The following SORBS2 variants were observed in gnomAD, a reference collection of about 807,000 sequenced individuals.
SORBS2 encodes sorbin and SH3 domain containing 2, also known as sorbin and SH3 domain-containing protein 2.
SORBS2 carries 46 observed loss-of-function variants against 97.7 expected under a neutral mutation model. That is an observed-to-expected ratio of 0.47 (90% CI 0.37 to 0.60). The LOEUF is 0.60. Among genes scored for constraint, SORBS2 ranks in the 20% least tolerant of loss-of-function variants. The pLI is 0.00. For missense variants in SORBS2, 1,316 were observed against 1,282.3 expected, an observed-to-expected ratio of 1.03 and a Z score of -0.40; for synonymous variants, 476 against 473.4, an observed-to-expected ratio of 1.01 and a Z score of -0.07.
intron 12 of SORBS2, among the ~76,000 whole-genome samples, chr4:185,604,564 C>T (rs2096361032): frequency 6.6e-6 from 1 of 152,144 alleles, no homozygotes; most frequent in South Asian, 2.1e-4. Flanking sequence ...GGTGATTATG[C>T]TTGTCTCAGA....
intron 2 of SORBS2, among the ~76,000 whole-genome samples, chr4:185,692,290 C>T (rs1029248774): frequency 3.9e-5 from 6 of 152,142 alleles, no homozygotes; most frequent in South Asian, 4.1e-4. Flanking sequence ...AGCTTCCAGG[C>T]GCATCAGTAC....
chr4:185,831,150 G>A (rs2099204909), intron 1 of SORBS2, among the ~76,000 whole-genome samples: 1 of 152,120 alleles, frequency 6.6e-6, no homozygotes, highest in African/African-American at 2.4e-5. Flanking sequence ...GACCCAACAT[G>A]GTCATCTAGA....
chr4:185,937,282 T>C (rs887024150), intron 1 of SORBS2, among the ~76,000 whole-genome samples: 2 of 152,228 alleles, frequency 1.3e-5, no homozygotes, highest in Non-Finnish European at 2.9e-5. Context: ...AAGTTCTGCA[T>C]TGTACTAGCA....
chr4:185,700,769 C>A (rs1223943192), intron 2 of SORBS2, among the ~76,000 whole-genome samples: 1 of 152,108 alleles, frequency 6.6e-6, no homozygotes, highest in African/African-American at 2.4e-5. Context: ...GTGTCTATTG[C>A]CCTTTTGTTC....
At chr4:185,728,116 G>A (rs1341732987) in intron 2 of SORBS2, among the ~76,000 whole-genome samples, 1 of 151,988 alleles carries the variant, frequency 6.6e-6, no homozygotes, top group Non-Finnish European at 1.5e-5. Flanking sequence ...GAGTCTGCGG[G>A]TCTATCCAGC....
chr4:185,743,698 T>C (rs1280758976), intron 2 of SORBS2, among the ~76,000 whole-genome samples: 1 of 152,168 alleles, frequency 6.6e-6, no homozygotes, highest in African/African-American at 2.4e-5. Context: ...ACTAAGACTC[T>C]GATGGTGAGC....
chr4:185,686,499 G>A (rs1314420692), intron 2 of SORBS2, among the ~76,000 whole-genome samples: 1 of 152,134 alleles, frequency 6.6e-6, no homozygotes, highest in Admixed American at 6.5e-5. Flanking sequence ...GACACAAATG[G>A]GAGAAACAAC....
intron 1 of SORBS2, among the ~76,000 whole-genome samples, chr4:185,955,074 T>C (rs1283506900): frequency 6.6e-6 from 1 of 152,250 alleles, no homozygotes; most frequent in Non-Finnish European, 1.5e-5. Context: ...GCATGACTTA[T>C]AAGAGCTTCC....
chr4:185,690,105 G>A (rs1439417689), intron 2 of SORBS2, among the ~76,000 whole-genome samples: 1 of 152,186 alleles, frequency 6.6e-6, no homozygotes, highest in African/African-American at 2.4e-5. Context: ...AACACTATGG[G>A]AATTGTGACT....
At chr4:185,647,948 T>C (rs2097241870) in intron 3 of SORBS2, among the ~76,000 whole-genome samples, 1 of 152,192 alleles carries the variant, frequency 6.6e-6, no homozygotes. Flanking sequence ...TTTGGTTATT[T>C]TTTGATGACA....
chr4:185,793,791 A>G (rs1308166556), intron 1 of SORBS2, among the ~76,000 whole-genome samples: 1 of 152,168 alleles, frequency 6.6e-6, no homozygotes, highest in Non-Finnish European at 1.5e-5. Flanking sequence ...TGCACAAATT[A>G]CTTCATATAA....
chr4:185,655,190 T>C (rs575077566), intron 1 of SORBS2, among the ~76,000 whole-genome samples: 1 of 152,338 alleles, frequency 6.6e-6, no homozygotes, highest in South Asian at 2.1e-4. Context: ...TGCATTAAAA[T>C]AGCTCAAAAG....
intron 2 of SORBS2, among the ~76,000 whole-genome samples, chr4:185,701,828 T>C (rs1157267745): frequency 2.0e-5 from 3 of 151,632 alleles, no homozygotes; most frequent in Non-Finnish European, 4.4e-5. Flanking sequence ...GGAGTGCAAG[T>C]GGCGTGATCT....
At chr4:185,780,305 G>A (rs1272548735) in intron 1 of SORBS2, among the ~76,000 whole-genome samples, 1 of 152,098 alleles carries the variant, frequency 6.6e-6, no homozygotes, top group East Asian at 1.9e-4. Context: ...GTGAGCCACT[G>A]CACCTGGCCT....
At chr4:185,832,544 G>A (rs1261359950) in intron 1 of SORBS2, among the ~76,000 whole-genome samples, 1 of 152,166 alleles carries the variant, frequency 6.6e-6, no homozygotes, top group Non-Finnish European at 1.5e-5. Flanking sequence ...GTCACAATTT[G>A]TTTTGGTTAT....
intron 1 of SORBS2, among the ~76,000 whole-genome samples, chr4:185,835,592 G>T (rs2099207590): frequency 1.3e-5 from 2 of 151,466 alleles, no homozygotes; most frequent in African/African-American, 4.8e-5. Context: ...GTTCAAAAAA[G>T]GTGATCACGA....
intron 1 of SORBS2, among the ~76,000 whole-genome samples, chr4:185,788,500 A>G (rs1210291943): frequency 6.6e-6 from 1 of 152,218 alleles, no homozygotes; most frequent in Non-Finnish European, 1.5e-5. Flanking sequence ...ACCATTTAAG[A>G]TAATTAGAAA....
At chr4:185,732,494 T>C (rs190203006) in intron 2 of SORBS2, among the ~76,000 whole-genome samples, 1 of 152,338 alleles carries the variant, frequency 6.6e-6, no homozygotes, top group East Asian at 1.9e-4. Flanking sequence ...ATTAGTCCTC[T>C]GGGTTCTGGC....
chr4:185,596,441 G>A (rs2096090060), intron 12 of SORBS2, among the ~76,000 whole-genome samples: 1 of 151,602 alleles, frequency 6.6e-6, no homozygotes, highest in Admixed American at 6.6e-5. Context: ...TGAAAATTTG[G>A]TGATTGCTGC....
Sources: allele counts gnomAD v4.1 joint callset (sites outside exome capture counted in the v4.1 genomes callset), GRCh38; gene constraint gnomAD v4.1.1; transcripts MANE v1.5; gene names NCBI Gene and HGNC (gene_info 2026-07-23, HGNC 2026-07-21).